SHROOM2: variants seen among roughly 807,000 people sequenced by gnomAD.
SHROOM2 encodes shroom family member 2, also known as protein Shroom2.
In SHROOM2, 33 loss-of-function variants were observed where a neutral mutation model predicts 75.9. The ratio of observed to expected loss-of-function variants is 0.43; its 90% CI spans 0.33 to 0.58. The LOEUF is 0.58. Among genes scored for constraint, SHROOM2 ranks in the 20% least tolerant of loss-of-function variants. SHROOM2 has a pLI of 0.04. For synonymous variants in SHROOM2, 655 were observed against 663.6 expected (o/e 0.99, Z 0.20); for missense variants, 1,434 against 1,461.2 (o/e 0.98, Z 0.30).
intron 5 of SHROOM2, among the ~76,000 whole-genome samples, chrX:9,931,249 G>C (rs2084645755): frequency 9.1e-6 from 1 of 109,709 alleles, no homozygotes; most frequent in Non-Finnish European, 1.9e-5. Context: ...CCAACACTTT[G>C]GGACCAGACC....
intron 5 of SHROOM2, among the ~76,000 whole-genome samples, chrX:9,917,143 G>A (rs2084497522): frequency 9.0e-6 from 1 of 111,640 alleles, no homozygotes; most frequent in Non-Finnish European, 1.9e-5. Context: ...CCAGCTTTCC[G>A]ACAACCCTAA....
chrX:9,900,227 G>A (rs1488048508), intron 5 of SHROOM2, among the ~76,000 whole-genome samples: 1 of 110,531 alleles, frequency 9.0e-6, no homozygotes. Flanking sequence ...GTGGTGAGGC[G>A]CGATGAAATT....
chrX:9,812,865 A>G (rs964825414), intron 1 of SHROOM2, among the ~76,000 whole-genome samples: 3 of 112,358 alleles, frequency 2.7e-5, no homozygotes, highest in Non-Finnish European at 5.6e-5. Context: ...GCATTTGCCA[A>G]GTCAATGGCC....
intron 1 of SHROOM2, among the ~76,000 whole-genome samples, chrX:9,789,990 C>T (rs1486746389): frequency 8.9e-6 from 1 of 112,234 alleles, no homozygotes; most frequent in Non-Finnish European, 1.9e-5. Flanking sequence ...ACCTGACTCA[C>T]CCACCCCAGG....
intron 1 of SHROOM2, among the ~76,000 whole-genome samples, chrX:9,821,924 G>A (rs1212067979): frequency 3.6e-5 from 4 of 111,836 alleles, no homozygotes; most frequent in Admixed American, 2.8e-4. Flanking sequence ...AAATTTTATC[G>A]TATGTGAGTT....
intron 1 of SHROOM2, among the ~76,000 whole-genome samples, chrX:9,828,146 G>A (rs1421167085): frequency 8.9e-6 from 1 of 112,841 alleles, no homozygotes; most frequent in African/African-American, 3.2e-5. Context: ...GGCAGCAGTC[G>A]AGAGAGAGCA....
In SHROOM2 at chrX:9,894,349, T is replaced by C. The variant is rs779254633; in HGVS notation, c.450-9T>C. Reference sequence around the variant, plus strand: ...ACACCATGCCTTGTCCTTCTTCTCATTCTTGCAGTTCTTCCTCCCACGACC... The same window carrying C: ...ACACCATGCCTTGTCCTTCTTCTCACTCTTGCAGTTCTTCCTCCCACGACC... On this transcript the variant is annotated splice_polypyrimidine_tract_variant and intron_variant, in intron 3 of 9. Coordinates refer to ENST00000380913, the MANE Select transcript of SHROOM2 (RefSeq NM_001649.4). 8.3e-7 allele frequency: 1 copy of C among 1,199,191 alleles called. No individual in the cohort carries two copies. The highest frequency in any genetic ancestry group is 2.3e-5 in the Admixed American group (1 of 44,285).
intron 2 of SHROOM2, among the ~76,000 whole-genome samples, chrX:9,874,234 G>A (rs1468396147): frequency 9.0e-6 from 1 of 111,708 alleles, no homozygotes; most frequent in Non-Finnish European, 1.9e-5. Context: ...GCTGAGGTCT[G>A]GAGGGAGGGT....
chrX:9,920,815 A>G (rs1343271890), intron 5 of SHROOM2, among the ~76,000 whole-genome samples: 3 of 112,269 alleles, frequency 2.7e-5, no homozygotes, highest in Non-Finnish European at 5.6e-5. Flanking sequence ...TCCTGTGTAT[A>G]CATTGAAAAC....
At chrX:9,870,151 G>T (rs182823912) in intron 1 of SHROOM2, among the ~76,000 whole-genome samples, 5 of 111,620 alleles carry the variant, frequency 4.5e-5, no homozygotes, top group Non-Finnish European at 1.9e-5. Context: ...GCTTGAGACC[G>T]GGAGGTGCAG....
At chrX:9,865,038 A>G (rs1333266338) in intron 1 of SHROOM2, 5 of 110,984 alleles carry the variant, frequency 4.5e-5, no homozygotes, top group African/African-American at 1.6e-4. Flanking sequence ...ACCTATGAGT[A>G]TAAGTAATTT....
At chrX:9,844,357 TAAAAATTAGCCA>T (rs2146771230) in intron 1 of SHROOM2, among the ~76,000 whole-genome samples, 1 of 110,475 alleles carries the variant, frequency 9.1e-6, no homozygotes, top group Admixed American at 9.7e-5. Flanking sequence ...CCAAGAAATT[TAAAAATTAGCCA>T]GGCATGGTGG....
chrX:9,921,029 C>T (rs1490139834), intron 5 of SHROOM2, among the ~76,000 whole-genome samples: 1 of 111,878 alleles, frequency 8.9e-6, no homozygotes, highest in African/African-American at 3.3e-5. Flanking sequence ...GCAGTCAACA[C>T]GTGGGCCAGG....
At chrX:9,882,178 CTTTTT>C (rs386416608) in intron 2 of SHROOM2, among the ~76,000 whole-genome samples, 1 of 71,034 alleles carries the variant, frequency 1.4e-5, no homozygotes, top group East Asian at 5.3e-4. Context: ...TCCCTTGTTG[CTTTTT>C]TTTTTTTTTT....
chrX:9,840,126 A>T (rs1475038607), intron 1 of SHROOM2, among the ~76,000 whole-genome samples: 1 of 112,249 alleles, frequency 8.9e-6, no homozygotes, highest in Non-Finnish European at 1.9e-5. Flanking sequence ...AATATGTTTT[A>T]AAAATTAAGA....
At chrX:9,795,729 TC>T (rs1281543891) in intron 1 of SHROOM2, among the ~76,000 whole-genome samples, 7 of 34,874 alleles carry the variant, frequency 2.0e-4, no homozygotes, top group African/African-American at 5.9e-4. Flanking sequence ...TGTATCTTTC[TC>T]TTTTTTTTTT....
intron 1 of SHROOM2, among the ~76,000 whole-genome samples, chrX:9,810,226 T>TG (rs2083784863): frequency 9.3e-6 from 1 of 107,328 alleles, no homozygotes; most frequent in Non-Finnish European, 1.9e-5. Context: ...TGGTTGTGTG[T>TG]TTTTTTTTGC....
intron 5 of SHROOM2, among the ~76,000 whole-genome samples, chrX:9,922,824 T>G (rs2084559055): frequency 9.0e-6 from 1 of 110,972 alleles, no homozygotes; most frequent in African/African-American, 3.3e-5. Flanking sequence ...CATGGTCTTT[T>G]CTCTCCTGTG....
At chrX:9,801,003 C>T (rs191168408) in intron 1 of SHROOM2, among the ~76,000 whole-genome samples, 4 of 111,190 alleles carry the variant, frequency 3.6e-5, no homozygotes, top group Admixed American at 1.9e-4. Flanking sequence ...TCTGTTCTCA[C>T]GCTGCCAGAC....
Sources: gnomAD v4.1 joint callset for allele counts (sites outside exome capture counted in the v4.1 genomes callset) on GRCh38, gnomAD v4.1.1 for gene constraint, MANE v1.5 for transcripts, NCBI Gene and HGNC (gene_info 2026-07-23, HGNC 2026-07-21) for gene names.